VSIG10: variants seen among roughly 807,000 people sequenced by gnomAD.
VSIG10 encodes the protein V-set and immunoglobulin domain containing 10.
Under a neutral mutation model 58.7 loss-of-function variants are expected in VSIG10, and 48 were observed. The observed-to-expected ratio is 0.82, with a 90% CI of 0.65 to 1.04. The LOEUF (loss-of-function observed/expected upper bound fraction) is 1.04. Among genes scored for constraint, VSIG10 ranks in the 50% least tolerant of loss-of-function variants. VSIG10 has a pLI of 0.00. For synonymous variants in VSIG10, 260 were observed against 267.1 expected (o/e 0.97, Z 0.26); for missense variants, 628 against 670.0 (o/e 0.94, Z 0.69).
rs35469920 is a variant in VSIG10 at position 118,078,937 on chromosome 12, T to TAAAAAAAAAAAAA, written c.925+396_925+408dup. Among the ~76,000 whole-genome samples, 22 of 39,912 alleles carry TAAAAAAAAAAAAA rather than the reference T, an allele frequency of 5.5e-4. 1 individual carries two copies. The highest frequency in any genetic ancestry group is 2.4e-3 in the East Asian group (2 of 834). 26.2% of individuals were successfully genotyped at this position (39,912 alleles called of 152,430 possible). A position where few individuals can be genotyped will look rare whatever the true frequency, so the allele number is the denominator to read the frequency against. ...CTGGGCAACAGAGCAAGACTCTGCC[T>TAAAAAAAAAAAAA]AAAAAAAAAAAAAAAAAAAAAAAAA... is the stretch of plus-strand genomic sequence containing the variant. On this transcript the variant is annotated intron_variant, in intron 4 of 8. Transcript: ENST00000359236.
In VSIG10 at chr12:118,066,929, C is replaced by T. The variant is rs117486257; in HGVS notation, c.1568-235G>A. ...TCATGTCCTCAGCTCACGCCCCTCC[C>T]CTCACCTGAAACGCCCTCTCTCCTT... On this transcript the variant is annotated intron_variant, in intron 8 of 8. Transcript: ENST00000359236. Among the ~76,000 whole-genome samples the T allele has an allele frequency of 1.6e-4, 25 of 152,200 alleles. 1 individual carries two copies. The East Asian group carries it at 4.8e-3, about 29-fold the overall frequency.
At chr12:118,093,939 A>G (rs2137940206) in intron 2 of VSIG10, among the ~76,000 whole-genome samples, 1 of 152,100 alleles carries the variant, frequency 6.6e-6, no homozygotes. Flanking sequence ...TAAAATAAAA[A>G]TAGATAAGAG....
chr12:118,074,250 A>G (rs890854230), intron 4 of VSIG10, among the ~76,000 whole-genome samples: 2 of 151,714 alleles, frequency 1.3e-5, no homozygotes, highest in African/African-American at 4.8e-5. Context: ...CACCTGGCTA[A>G]TTTTTGTATT....
intron 1 of VSIG10, chr12:118,101,478 A>C (rs1395420204): frequency 1.3e-5 from 2 of 152,164 alleles, no homozygotes; most frequent in African/African-American, 4.8e-5. Flanking sequence ...ACAAGTTTAG[A>C]AGTCATTCAT....
intron 1 of VSIG10, chr12:118,101,699 TGTC>T (rs1328317671): frequency 6.6e-6 from 1 of 152,204 alleles, no homozygotes; most frequent in African/African-American, 2.4e-5. Flanking sequence ...GCATATAAGT[TGTC>T]TGGCATTGAA....
chr12:118,069,643 T>A (rs1185679545), intron 7 of VSIG10, among the ~76,000 whole-genome samples: 1 of 151,938 alleles, frequency 6.6e-6, no homozygotes, highest in Non-Finnish European at 1.5e-5. Flanking sequence ...GTCAGGCTGG[T>A]CTCGAACTCC....
chr12:118,095,337 G>A (rs769994122), intron 2 of VSIG10, among the ~76,000 whole-genome samples, 196 bp downstream of exon 2: 3 of 152,112 alleles, frequency 2.0e-5, no homozygotes, highest in South Asian at 2.1e-4. Context: ...CACTGCGCCC[G>A]GCCACAGAAA....
intron 1 of VSIG10, among the ~76,000 whole-genome samples, chr12:118,100,070 C>T (rs758788844): frequency 1.3e-5 from 2 of 152,238 alleles, no homozygotes; most frequent in Non-Finnish European, 2.9e-5. Context: ...TGAGCAATCA[C>T]TTTAAAAAGC....
intron 8 of VSIG10, among the ~76,000 whole-genome samples, chr12:118,067,061 G>A (rs1374086468): frequency 6.6e-6 from 1 of 151,904 alleles, no homozygotes; most frequent in Non-Finnish European, 1.5e-5. Flanking sequence ...TTTCTCTGAG[G>A]TCCTATAAAT....
At chr12:118,086,082 C>G (rs750610739) in intron 2 of VSIG10, among the ~76,000 whole-genome samples, 1 of 151,702 alleles carries the variant, frequency 6.6e-6, no homozygotes, top group Non-Finnish European at 1.5e-5. Context: ...CGCTTGAACC[C>G]GGGAGGCAGA....
intron 4 of VSIG10, among the ~76,000 whole-genome samples, chr12:118,074,402 G>T (rs960766551): frequency 1.3e-5 from 2 of 149,456 alleles, no homozygotes; most frequent in African/African-American, 2.5e-5. Flanking sequence ...CTTTATCTGT[G>T]ATTTCACTTT....
intron 5 of VSIG10, among the ~76,000 whole-genome samples, chr12:118,073,214 G>A (rs527466372): frequency 2.0e-5 from 3 of 152,208 alleles, no homozygotes; most frequent in South Asian, 2.1e-4. Flanking sequence ...TAGTAAAGAC[G>A]AGGTTTCACC....
Position 118,081,543 on chromosome 12 carries a change from G to GA in VSIG10, c.664+583dup, listed in dbSNP as rs377481555. ...TACTTTCACCTCAATTTAGGGGAAA[G>GA]AAAAAAAAAAGAATGCATTAGTGTT... On this transcript the variant is annotated intron_variant, in intron 3 of 8. Transcript: ENST00000359236. 5.4e-5 allele frequency among the ~76,000 whole-genome samples: 8 copies of GA among 147,438 alleles called. No individual in the cohort carries two copies. In the South Asian group the frequency reaches 6.4e-4, roughly 12 times the overall value.
rs374500882 is a variant in VSIG10 at position 118,097,928 on chromosome 12, A to G, written c.80-2114T>C. On this transcript the variant is annotated intron_variant, in intron 1 of 8. Coordinates refer to ENST00000359236, the MANE Select transcript of VSIG10 (RefSeq NM_019086.6). ...ACAAGAGTGAAACTCTGTCTCAAATAAATAAATAAACAAACTACATGGTAC... is the reference window on the plus strand; with the variant it reads ...ACAAGAGTGAAACTCTGTCTCAAATGAATAAATAAACAAACTACATGGTAC... Among the ~76,000 whole-genome samples, 56 of 152,184 alleles carry G rather than the reference A, an allele frequency of 3.7e-4. 1 individual carries two copies. In the South Asian group the frequency reaches 0.012, roughly 32 times the overall value.
chr12:118,092,638 C>CT (rs35654590), intron 2 of VSIG10, among the ~76,000 whole-genome samples: 107,292 of 140,464 alleles, frequency 0.76, 41,857 homozygotes, highest in Middle Eastern at 0.89. Flanking sequence ...TTTTCTTTTT[C>CT]TTTTTTTTTT....
chr12:118,073,987 G>GT lies in VSIG10; in HGVS notation c.930_931insA (p.Pro311ThrfsTer6). ...TTCATGGGCTCAGAGAGAAGGGAGG[G>GT]ACCCCCTGGTGATCAGAAGGTAAAC... On this transcript the variant is annotated frameshift_variant, in exon 5 of 9. Transcript: ENST00000359236. LOFTEE classifies it high-confidence loss of function. 1 of 1,550,744 alleles carries GT rather than the reference G, an allele frequency of 6.4e-7. No individual in the cohort carries two copies. The highest frequency in any genetic ancestry group is 8.7e-7 in the Non-Finnish European group (1 of 1,147,526).
chr12:118,063,671 C>T lies in VSIG10; in HGVS notation c.*2968G>A, dbSNP rs2032150991. On this transcript the variant is annotated 3_prime_UTR_variant, in exon 9 of 9. Transcript: ENST00000359236. ...TCAGAACTAATTTCTCCCAACCTCCCCCCACCACATCTTAAAATGTAAATA... is the reference window on the plus strand; with the variant it reads ...TCAGAACTAATTTCTCCCAACCTCCTCCCACCACATCTTAAAATGTAAATA... The T allele has an allele frequency of 6.6e-6, 1 of 152,126 alleles. No individual in the cohort carries two copies. Among genetic ancestry groups the T allele is most frequent in the Non-Finnish European group, 1.5e-5 (1 of 68,042 alleles). The allele number at this position is 152,126 out of a possible 1,614,324, so 9.4% of individuals were successfully genotyped here. A position where few individuals can be genotyped will look rare whatever the true frequency, so the allele number is the denominator to read the frequency against.
intron 3 of VSIG10, among the ~76,000 whole-genome samples, chr12:118,080,220 G>C (rs1312229598): frequency 1.3e-5 from 2 of 150,976 alleles, no homozygotes; most frequent in Non-Finnish European, 2.9e-5. Context: ...GGATGGTCTG[G>C]AACTCCTGGC....
rs2032971612 is a variant in VSIG10, at chr12:118,082,059, A to T, written c.664+68T>A. The T allele has an allele frequency of 2.7e-6, 4 of 1,455,712 alleles. No individual in the cohort carries two copies. The South Asian group carries it at 5.5e-5, about 20-fold the overall frequency. 90.2% of individuals were successfully genotyped at this position (1,455,712 alleles called of 1,614,324 possible). On this transcript the variant is annotated intron_variant, in intron 3 of 8. Transcript: ENST00000359236. The stretch of plus-strand genomic sequence containing the variant: ...AAAAAGACAAATGGGAGAGGCACAA[A>T]CGTGCAGTTCATAAGTTCACAAAGG...
Sources: gnomAD v4.1 joint callset for allele counts (sites outside exome capture counted in the v4.1 genomes callset) on GRCh38, gnomAD v4.1.1 for gene constraint, MANE v1.5 for transcripts, NCBI Gene and HGNC (gene_info 2026-07-23, HGNC 2026-07-21) for gene names.